Variants in POLI observed in about 807,000 individuals in gnomAD.
POLI encodes the protein DNA polymerase iota, also known as RAD30 homolog B.
POLI carries 58 observed loss-of-function variants against 51.6 expected under a neutral mutation model. The ratio of observed to expected loss-of-function variants is 1.12; its 90% CI spans 0.91 to 1.40. The LOEUF (loss-of-function observed/expected upper bound fraction) is 1.40, where lower values mean the gene tolerates loss of function less well. POLI is among the 40% of genes most tolerant of loss of function. The pLI is 0.00. For missense variants in POLI, 921 were observed against 871.3 expected, an observed-to-expected ratio of 1.06 and a Z score of -0.72; for synonymous variants, 322 against 299.7, an observed-to-expected ratio of 1.07 and a Z score of -0.77.
Position 54,312,919 on chromosome 18 carries a change from A to G in POLI, c.334-7354A>G, listed in dbSNP as rs553422697. On this transcript the variant is annotated intron_variant, in intron 3 of 4. Coordinates refer to the POLI transcript ENST00000579823. ...TGTAGCTTGTCTGTTTACACCTTTG[A>G]TAGTTTCTCTTGCTGTGCAGAAACT... Among the ~76,000 whole-genome samples, 631 of 152,182 alleles carry G rather than the reference A, an allele frequency of 4.1e-3. 9 individuals are homozygous for G. The highest frequency in any genetic ancestry group is 0.015 in the African/African-American group (616 of 41,552).
intron 3 of POLI, among the ~76,000 whole-genome samples, chr18:54,312,671 T>A (rs2088683735): frequency 6.6e-6 from 1 of 152,220 alleles, no homozygotes; most frequent in African/African-American, 2.4e-5. Context: ...AGTTGGTATT[T>A]CATTGTGATT....
In POLI at chr18:54,287,430, A is replaced by G. The variant is rs1248426231; in HGVS notation, c.1198+19A>G. On this transcript the variant is annotated intron_variant, in intron 8 of 9. Coordinates refer to ENST00000579534, the MANE Select transcript of POLI (RefSeq NM_007195.3). ...GGGACAGGTATGGACTAGTTTTCCA[A>G]CAGTTTCATTAGCAGGTTGAACTCT... 5.6e-6 allele frequency: 9 copies of G among 1,598,334 alleles called. No individual in the cohort carries two copies. The East Asian group carries it at 6.7e-5, about 12-fold the overall frequency.
At chr18:54,313,774 G>A (rs2088699075) in intron 3 of POLI, among the ~76,000 whole-genome samples, 1 of 152,058 alleles carries the variant, frequency 6.6e-6, no homozygotes, top group Non-Finnish European at 1.5e-5. Context: ...TTGGTATGTA[G>A]GAATACTACT....
At chr18:54,318,122 T>G (rs1301121108) in intron 3 of POLI, among the ~76,000 whole-genome samples, 1 of 152,194 alleles carries the variant, frequency 6.6e-6, no homozygotes, top group Non-Finnish European at 1.5e-5. Context: ...TTTTGTACTC[T>G]AATGACAAAT....
Position 54,293,923 on chromosome 18 carries a change from G to T in POLI, c.1679G>T (p.Cys560Phe), listed in dbSNP as rs149577277. Residue 560 changes from cysteine (C) to phenylalanine (F), a missense_variant, in exon 10 of 10, where the codon TGT (cysteine) becomes TTT (phenylalanine). Coordinates refer to ENST00000579534, the MANE Select transcript of POLI (RefSeq NM_007195.3). ...EKFQGKGSVSCPLHASRGVLS... is the reference protein window; with the variant it reads ...EKFQGKGSVSFPLHASRGVLS... Reference sequence around the variant, plus strand: ...TTTCAAGGGAAAGGAAGTGTGAGTTGTCCATTACATGCCTCTAGAGGAGTA... The same window carrying T: ...TTTCAAGGGAAAGGAAGTGTGAGTTTTCCATTACATGCCTCTAGAGGAGTA... 2.4e-5 allele frequency: 39 copies of T among 1,612,876 alleles called. No individual in the cohort carries two copies. Among genetic ancestry groups the T allele is most frequent in the African/African-American group, 4.0e-5 (3 of 74,894 alleles).
At position 54,294,261 on chromosome 18, in the gene POLI, A is replaced by C. The variant is rs970842946; in HGVS notation, c.2017A>C (p.Thr673Pro). The C allele has an allele frequency of 1.9e-6, 3 of 1,613,736 alleles. No homozygotes were observed. The highest frequency in any genetic ancestry group is 2.5e-6 in the Non-Finnish European group (3 of 1,179,726). The change falls in exon 10 of 10, where the codon ACT becomes CCT. Residue 673 changes from threonine (T) to proline (P), a missense_variant. Coordinates refer to ENST00000579534, the MANE Select transcript of POLI (RefSeq NM_007195.3). Reference protein sequence around the residue: ...QSEQLFSRNHTTDSHKQTVAT... With the variant: ...QSEQLFSRNHPTDSHKQTVAT... Reference sequence around the variant, plus strand: ...TGAGCAACTTTTCTCCAGAAACCACACTACAGATAGCCATAAGCAAACAGT... The same window carrying C: ...TGAGCAACTTTTCTCCAGAAACCACCCTACAGATAGCCATAAGCAAACAGT...
chr18:54,285,525 T>A (rs1248833444), intron 7 of POLI, among the ~76,000 whole-genome samples: 2 of 80,436 alleles, frequency 2.5e-5, no homozygotes, highest in South Asian at 3.7e-4. Context: ...TACAGGAGTG[T>A]GTGTGTGTGT....
Position 54,293,700 on chromosome 18 carries a change from C to A in POLI, c.1456C>A (p.Arg486=), listed in dbSNP as rs201817534. ...EDFPKDKETN[R]DFLPSGRIES... is the part of the protein sequence containing the mutation. Reference sequence around the variant, plus strand: ...TTTTCCCAAAGACAAAGAAACAAACCGGGATTTCCTACCAAGTGGAAGAAT... The same window carrying A: ...TTTTCCCAAAGACAAAGAAACAAACAGGGATTTCCTACCAAGTGGAAGAAT... The change falls in exon 10 of 10, where the codon CGG becomes AGG. Residue 486 remains arginine, a synonymous_variant. Coordinates refer to ENST00000579534, the MANE Select transcript of POLI (RefSeq NM_007195.3). 6.3e-7 allele frequency: 1 copy of A among 1,594,990 alleles called. No homozygotes were observed. The highest frequency in any genetic ancestry group is 8.5e-7 in the Non-Finnish European group (1 of 1,172,704).
At chr18:54,305,103 T>TAG (rs1472892593) in intron 3 of POLI, among the ~76,000 whole-genome samples, 1 of 152,222 alleles carries the variant, frequency 6.6e-6, no homozygotes, top group Non-Finnish European at 1.5e-5. Flanking sequence ...AGGCCTCTGT[T>TAG]CTGTTCCATT....
chr18:54,309,723 C>T (rs746471723), intron 3 of POLI, among the ~76,000 whole-genome samples: 14 of 152,216 alleles, frequency 9.2e-5, no homozygotes, highest in African/African-American at 9.6e-5. Flanking sequence ...CATTGAGCTG[C>T]GGTGGGCTCC....
chr18:54,289,202 T>G (rs980942914), intron 8 of POLI, among the ~76,000 whole-genome samples: 8 of 151,618 alleles, frequency 5.3e-5, no homozygotes, highest in African/African-American at 1.9e-4. Context: ...TCAAGTGTTT[T>G]TTTTTTTTTT....
In POLI at chr18:54,296,903, T is replaced by G; in HGVS notation, c.*2436T>G. On this transcript the variant is annotated 3_prime_UTR_variant, in exon 10 of 10. Coordinates refer to ENST00000579534, the MANE Select transcript of POLI (RefSeq NM_007195.3). ...TTGATAATTTCAATATTTTAAGTCTTTATAAGTCTACATTTAAGGTTATTA... is the reference window on the plus strand; with the variant it reads ...TTGATAATTTCAATATTTTAAGTCTGTATAAGTCTACATTTAAGGTTATTA... 1 of 938,824 alleles carries G rather than the reference T, an allele frequency of 1.1e-6. No individual in the cohort carries two copies. The highest frequency in any genetic ancestry group is 1.3e-6 in the Non-Finnish European group (1 of 787,738). The allele number at this position is 938,824 out of a possible 1,614,324, so 58.2% of individuals were successfully genotyped here. A position where few individuals can be genotyped will look rare whatever the true frequency, so the allele number is the denominator to read the frequency against.
chr18:54,292,401 T>C (rs185271396), intron 9 of POLI, among the ~76,000 whole-genome samples: 7 of 152,282 alleles, frequency 4.6e-5, no homozygotes, highest in Admixed American at 2.0e-4. Context: ...ACACATGAGC[T>C]ACTAGTACCT....
chr18:54,313,200 T>A (rs534746377), intron 3 of POLI, among the ~76,000 whole-genome samples: 1 of 152,294 alleles, frequency 6.6e-6, no homozygotes, highest in African/African-American at 2.4e-5. Flanking sequence ...ATGTATTGAA[T>A]AGGCAGTTCT....
rs184680546 is a variant in POLI, at chr18:54,284,059, A to G, written c.1067+46A>G. ...CCAAGTCATCCTATGTATTCATTCT[A>G]TATACGGTATGTGGAAAGAATATTT... is the stretch of plus-strand genomic sequence containing the variant. On this transcript the variant is annotated intron_variant, in intron 7 of 9. Transcript: ENST00000579534. The G allele has an allele frequency of 6.3e-5, 42 of 664,798 alleles. No individual in the cohort carries two copies. The Admixed American group carries it at 1.2e-3, about 20-fold the overall frequency. The allele number at this position is 664,798 out of a possible 1,614,324, so 41.2% of individuals were successfully genotyped here. A position where few individuals can be genotyped will look rare whatever the true frequency, so the allele number is the denominator to read the frequency against.
intron 8 of POLI, among the ~76,000 whole-genome samples, chr18:54,290,122 A>C (rs942786275): frequency 6.6e-6 from 1 of 152,250 alleles, no homozygotes; most frequent in Non-Finnish European, 1.5e-5. Context: ...GAAGTTAAAC[A>C]AATTTACAAG....
chr18:54,269,755 ACCGTCCCCGC>A, intron 1 of POLI, 94 bp downstream of exon 1: 2 of 1,401,246 alleles, frequency 1.4e-6, no homozygotes, highest in Non-Finnish European at 1.8e-6. Flanking sequence ...CTGGGGCGCG[ACCGTCCCCGC>A]CCCACTCGGC....
Position 54,275,369 on chromosome 18 carries a change from C to T in POLI, c.406+1279C>T, listed in dbSNP as rs571222956. ...CCACAAGTACATAAAGACATATGTA[C>T]AACAATGTTTATCATAGCATGGTTT... On this transcript the variant is annotated intron_variant, in intron 3 of 9. Transcript: ENST00000579534. Among the ~76,000 whole-genome samples the T allele has an allele frequency of 2.7e-3, 403 of 151,964 alleles. 4 individuals carry two copies. The highest frequency in any genetic ancestry group is 9.4e-3 in the African/African-American group (390 of 41,512).
intron 4 of POLI, 77 bp from the exon 5 acceptor site, chr18:54,280,590 C>T: frequency 1.1e-6 from 1 of 920,846 alleles, no homozygotes; most frequent in Non-Finnish European, 1.7e-6. Flanking sequence ...ACTAAGCCCT[C>T]TACCTTTTAA....
Sources: allele counts gnomAD v4.1 joint callset (sites outside exome capture counted in the v4.1 genomes callset), GRCh38; gene constraint gnomAD v4.1.1; transcripts MANE v1.5; gene names NCBI Gene and HGNC (gene_info 2026-07-23, HGNC 2026-07-21).